Variants in ITPR1 observed in about 807,000 individuals in gnomAD.
ITPR1 encodes inositol 1,4,5-trisphosphate-gated calcium channel ITPR1.
In ITPR1, 96 loss-of-function variants were observed where a neutral mutation model predicts 318.4. The ratio of observed to expected loss-of-function variants is 0.30; its 90% CI spans 0.26 to 0.36. The LOEUF is 0.36. Ranked by LOEUF, ITPR1 falls within the 10% of genes least tolerant of loss-of-function variation. The pLI is 1.00. For missense variants in ITPR1, 2,440 were observed against 3,460.2 expected, an observed-to-expected ratio of 0.71 and a Z score of 7.40; for synonymous variants, 1,312 against 1,289.9, an observed-to-expected ratio of 1.02 and a Z score of -0.37.
intron 4 of ITPR1, 128 bp from the exon 5 acceptor site, chr3:4,627,635 C>T (rs997329955): frequency 6.7e-6 from 4 of 599,746 alleles, no homozygotes; most frequent in South Asian, 2.0e-5. Context: ...GAGCTTTGTA[C>T]TCTCATTTTA....
At chr3:4,592,892 T>C (rs567011521) in intron 4 of ITPR1, among the ~76,000 whole-genome samples, 1 of 151,968 alleles carries the variant, frequency 6.6e-6, no homozygotes, top group East Asian at 1.9e-4. Context: ...GGACTCTGAG[T>C]GGTGGGAGAC....
At chr3:4,837,809 G>C (rs2051037456) in intron 61 of ITPR1, among the ~76,000 whole-genome samples, 1 of 152,302 alleles carries the variant, frequency 6.6e-6, no homozygotes, top group African/African-American at 2.4e-5. Context: ...GTGGTGAGAA[G>C]ACCCTGATTG....
chr3:4,787,764 C>T lies in ITPR1; in HGVS notation c.6616-183C>T, dbSNP rs917630635. ...TAATGGATCTGAAGTTAGGAAAATACTCTTCCAGAGTTACCCAAGCTATTT... is the reference window on the plus strand; with the variant it reads ...TAATGGATCTGAAGTTAGGAAAATATTCTTCCAGAGTTACCCAAGCTATTT... On this transcript the variant is annotated intron_variant, in intron 51 of 61. Transcript: ENST00000649015. Among the ~76,000 whole-genome samples, 4 of 152,034 alleles carry T rather than the reference C, an allele frequency of 2.6e-5. No homozygotes were observed. The South Asian group carries it at 8.3e-4, about 32-fold the overall frequency.
intron 6 of ITPR1, 120 bp downstream of exon 6, chr3:4,639,590 G>A (rs918734429): frequency 1.4e-6 from 1 of 705,194 alleles, no homozygotes; most frequent in Non-Finnish European, 2.4e-6. Context: ...GAGGCAGCCA[G>A]TTTATTGCAA....
chr3:4,806,332 T>G (rs572234261), intron 55 of ITPR1, 65 bp downstream of exon 55: 1 of 1,447,892 alleles, frequency 6.9e-7, no homozygotes, highest in African/African-American at 1.4e-5. Flanking sequence ...ATGTCCTCTC[T>G]CTCATCACAG....
intron 4 of ITPR1, among the ~76,000 whole-genome samples, chr3:4,527,835 C>T (rs1314360268): frequency 6.6e-6 from 1 of 152,116 alleles, no homozygotes; most frequent in Non-Finnish European, 1.5e-5. Context: ...TCCCAGAGTG[C>T]TGGCACCATG....
At position 4,746,879 on chromosome 3, in the gene ITPR1, G is replaced by A. The variant is rs2044148026; in HGVS notation, c.5544+11525G>A. ...CCCTCACCCACTAACTCGCCCAAGG[G>A]TGCACTTTCTTCCGGGGTCAAGTCT... On this transcript the variant is annotated intron_variant, in intron 44 of 61. Transcript: ENST00000649015. 2.0e-5 allele frequency among the ~76,000 whole-genome samples: 3 copies of A among 152,178 alleles called. No individual in the cohort carries two copies. In the South Asian group the frequency reaches 6.2e-4, roughly 32 times the overall value.
At chr3:4,505,059 C>T (rs1027415739) in intron 2 of ITPR1, among the ~76,000 whole-genome samples, 7 of 151,814 alleles carry the variant, frequency 4.6e-5, no homozygotes, top group East Asian at 1.9e-4. Context: ...AAAAGTGAAA[C>T]GGTGCCTTTT....
At chr3:4,704,911 C>A (rs2094725997) in intron 36 of ITPR1, among the ~76,000 whole-genome samples, 2 of 152,050 alleles carry the variant, frequency 1.3e-5, no homozygotes, top group East Asian at 3.9e-4. Flanking sequence ...ACGGGTGTAC[C>A]CTGTGCATCC....
At chr3:4,820,064 G>A (rs1162797474) in intron 60 of ITPR1, among the ~76,000 whole-genome samples, 1 of 152,206 alleles carries the variant, frequency 6.6e-6, no homozygotes, top group East Asian at 1.9e-4. Flanking sequence ...AAGCAGCTTA[G>A]GGATTCTGAT....
At position 4,788,104 on chromosome 3, in the gene ITPR1, T is replaced by C; in HGVS notation, c.6773T>C (p.Leu2258Pro). The C allele has an allele frequency of 6.2e-7, 1 of 1,608,444 alleles. No homozygotes were observed. The highest frequency in any genetic ancestry group is 8.5e-7 in the Non-Finnish European group (1 of 1,177,216). The change falls in exon 52 of 62, where the codon CTC (leucine) becomes CCC (proline). Residue 2258 changes from leucine (L) to proline (P), a missense_variant. Leu to Pro is a moderately conservative substitution (Grantham distance 98). This residue lies in a region of ITPR1 where 115 missense variants were observed against 204.5 expected (regional missense o/e 0.56). Transcript: ENST00000649015. ...GATTTCTTTCTGCGGTCTGAAGACC[T>C]CTTCAATGAAATGAATTGGCAGAAG... The part of the protein sequence containing the change: ...INDFFLRSED[L>P]FNEMNWQKKL...
intron 37 of ITPR1, among the ~76,000 whole-genome samples, chr3:4,708,267 C>T (rs917554358): frequency 1.3e-5 from 2 of 151,956 alleles, no homozygotes; most frequent in Non-Finnish European, 1.5e-5. Context: ...TAGCGTCTAC[C>T]AAGAGATCTG....
chr3:4,508,685 G>C (rs2081574907), intron 2 of ITPR1, among the ~76,000 whole-genome samples: 2 of 152,124 alleles, frequency 1.3e-5, no homozygotes, highest in African/African-American at 4.8e-5. Flanking sequence ...GCTTTGGCCT[G>C]TTTTAACACC....
At position 4,813,123 on chromosome 3, in the gene ITPR1, A is replaced by T; in HGVS notation, c.7469-19A>T. On this transcript the variant is annotated intron_variant, in intron 56 of 61. Transcript: ENST00000649015. ...ATGCTGCCAGATTGTTCATCATAAA[A>T]TTTCCTTCTCTCTCCCAGAAACCGG... 1 of 1,603,786 alleles carries T rather than the reference A, an allele frequency of 6.2e-7. No homozygotes were observed. The highest frequency in any genetic ancestry group is 8.5e-7 in the Non-Finnish European group (1 of 1,170,600).
At chr3:4,670,671 C>T in intron 19 of ITPR1, 58 bp from the exon 20 acceptor site, 1 of 1,232,598 alleles carries the variant, frequency 8.1e-7, no homozygotes, top group South Asian at 1.3e-5. Context: ...GAAAGTAAAG[C>T]TAGATCTCAA....
intron 42 of ITPR1, 113 bp downstream of exon 42, chr3:4,727,286 A>G (rs1037096853): frequency 4.1e-6 from 3 of 732,678 alleles, no homozygotes; most frequent in Non-Finnish European, 6.6e-6. Flanking sequence ...TTGTTAAAGC[A>G]TTAATTGACT....
intron 44 of ITPR1, among the ~76,000 whole-genome samples, chr3:4,737,406 T>C (rs904867391): frequency 5.9e-5 from 9 of 152,252 alleles, no homozygotes; most frequent in Admixed American, 5.2e-4. Context: ...GACATGGGAC[T>C]GAAAGGGGGA....
Position 4,766,630 on chromosome 3 carries a change from C to T in ITPR1, c.5645C>T (p.Thr1882Ile). Residue 1882 changes from threonine (T) to isoleucine (I), a missense_variant, in exon 45 of 62, where the codon ACA becomes ATA. Physicochemically the swap from Thr to Ile is moderately conservative, Grantham distance 89 (BLOSUM62 -1). Transcript: ENST00000649015. ...MKVAQQEIKA[T>I]VTVNTSDLGN... ...GTGGCCCAGCAAGAAATCAAAGCAA[C>T]AGTGACAGTGAACACCAGTGACTTG... 1 of 1,613,702 alleles carries T rather than the reference C, an allele frequency of 6.2e-7. No homozygotes were observed. Among genetic ancestry groups the T allele is most frequent in the Non-Finnish European group, 8.5e-7 (1 of 1,179,692 alleles).
chr3:4,681,925 C>T (rs945652335), intron 26 of ITPR1, among the ~76,000 whole-genome samples: 2 of 151,956 alleles, frequency 1.3e-5, no homozygotes, highest in African/African-American at 4.8e-5. Context: ...AAAAAAAAAC[C>T]GCACTGGTCA....
Sources: gnomAD v4.1 joint callset for allele counts (sites outside exome capture counted in the v4.1 genomes callset) on GRCh38, gnomAD v4.1.1 for gene constraint, gnomAD v4.1.1 regional missense constraint, MANE v1.5 for transcripts, NCBI Gene and HGNC (gene_info 2026-07-23, HGNC 2026-07-21) for gene names.